The following DCBLD1 variants were observed in gnomAD, a reference collection of about 807,000 sequenced individuals.
DCBLD1 encodes the protein discoidin, CUB and LCCL domain-containing protein 1.
A neutral mutation model predicts 71.5 loss-of-function variants in DCBLD1; 57 were observed. The observed-to-expected ratio is 0.80, with a 90% CI of 0.64 to 0.99. The LOEUF (loss-of-function observed/expected upper bound fraction) is 0.99. Ranked by LOEUF, DCBLD1 falls within the 50% of genes least tolerant of loss-of-function variation. The pLI, the probability that DCBLD1 is intolerant of heterozygous loss-of-function variation, is 0.00. For missense variants in DCBLD1, 891 were observed against 923.5 expected (o/e 0.96, Z 0.46); for synonymous variants, 380 against 363.8 (o/e 1.04, Z -0.51).
At chr6:117,519,183 T>C (rs1212929587) in intron 2 of DCBLD1, among the ~76,000 whole-genome samples, 1 of 152,250 alleles carries the variant, frequency 6.6e-6, no homozygotes, top group African/African-American at 2.4e-5. Context: ...TTGAGATCCC[T>C]ATTGCTTTTC....
At chr6:117,513,155 A>G (rs986545897) in intron 2 of DCBLD1, among the ~76,000 whole-genome samples, 13 of 152,196 alleles carry the variant, frequency 8.5e-5, no homozygotes, top group African/African-American at 3.1e-4. Flanking sequence ...AGATTGCCAG[A>G]GAATCAAGAG....
At chr6:117,526,995 T>A (rs1778565486) in intron 5 of DCBLD1, among the ~76,000 whole-genome samples, 1 of 152,176 alleles carries the variant, frequency 6.6e-6, no homozygotes, top group Non-Finnish European at 1.5e-5. Flanking sequence ...TCTAAGCTCA[T>A]GTGGTGTTGA....
At chr6:117,512,053 T>G (rs1438217899) in intron 2 of DCBLD1, among the ~76,000 whole-genome samples, 2 of 152,214 alleles carry the variant, frequency 1.3e-5, no homozygotes, top group Non-Finnish European at 2.9e-5. Context: ...AGGTATTTTT[T>G]TTAACACAAC....
In DCBLD1 at chr6:117,549,139, C is replaced by T. The variant is rs570296578; in HGVS notation, c.*700C>T. 6.1e-5 allele frequency: 60 copies of T among 985,376 alleles called. No individual in the cohort carries two copies. The highest frequency in any genetic ancestry group is 6.5e-5 in the Non-Finnish European group (54 of 830,044). The allele number at this position is 985,376 out of a possible 1,614,324, so 61.0% of individuals were successfully genotyped here. On this transcript the variant is annotated 3_prime_UTR_variant, in exon 15 of 15. Transcript: ENST00000338728. ...TTAGTCTCCACTTCAGAGGGGGATGCGAAGAGGTCGGCCCAGCTCCGGTGA... is the reference window on the plus strand; with the variant it reads ...TTAGTCTCCACTTCAGAGGGGGATGTGAAGAGGTCGGCCCAGCTCCGGTGA...
chr6:117,497,930 T>C (rs927095546), intron 1 of DCBLD1, among the ~76,000 whole-genome samples: 1 of 152,232 alleles, frequency 6.6e-6, no homozygotes, highest in Non-Finnish European at 1.5e-5. Context: ...ACTTATACCA[T>C]AGAAGTAAAC....
chr6:117,500,106 C>T (rs1777603796), intron 1 of DCBLD1, among the ~76,000 whole-genome samples: 2 of 152,192 alleles, frequency 1.3e-5, no homozygotes, highest in Admixed American at 1.3e-4. Context: ...ATTTTCTCTC[C>T]CTAGCAGTTT....
chr6:117,509,430 C>T (rs1777942589), intron 2 of DCBLD1, among the ~76,000 whole-genome samples: 2 of 152,014 alleles, frequency 1.3e-5, no homozygotes, highest in Non-Finnish European at 2.9e-5. Flanking sequence ...GACACTGTCT[C>T]AAAATAAAAT....
At chr6:117,513,608 G>C (rs1778093609) in intron 2 of DCBLD1, among the ~76,000 whole-genome samples, 1 of 152,252 alleles carries the variant, frequency 6.6e-6, no homozygotes, top group South Asian at 2.1e-4. Context: ...GACAGGGATA[G>C]ATAGAAGTGA....
chr6:117,549,540 C>T lies in DCBLD1; in HGVS notation c.*1101C>T. On this transcript the variant is annotated 3_prime_UTR_variant, in exon 15 of 15. Coordinates refer to ENST00000338728, the MANE Select transcript of DCBLD1 (RefSeq NM_001366458.2). ...GTGAGTTAACTATGGGAGATTTAAC[C>T]TCTTTTGCCAAAGAGGGAAGTGTGT... is the stretch of plus-strand genomic sequence containing the variant. 3.0e-6 allele frequency: 3 copies of T among 985,238 alleles called. No individual in the cohort carries two copies. The highest frequency in any genetic ancestry group is 3.6e-6 in the Non-Finnish European group (3 of 829,906). The allele number at this position is 985,238 out of a possible 1,614,324, so 61.0% of individuals were successfully genotyped here.
intron 5 of DCBLD1, among the ~76,000 whole-genome samples, chr6:117,530,301 G>T (rs1475441889): frequency 1.3e-5 from 2 of 152,138 alleles, no homozygotes; most frequent in African/African-American, 4.8e-5. Context: ...CCACAGACGG[G>T]GTGGGGGATG....
At position 117,530,512 on chromosome 6, in the gene DCBLD1, C is replaced by T. The variant is rs548959868; in HGVS notation, c.586-1748C>T. ...ACTCCTCACCTCCTGCTGTGTGGCC[C>T]GGTTCCTAACAGGCCACTGACCAGT... On this transcript the variant is annotated intron_variant, in intron 5 of 14. Transcript: ENST00000338728. Among the ~76,000 whole-genome samples the T allele has an allele frequency of 9.2e-5, 14 of 152,236 alleles. No individual in the cohort carries two copies. In the South Asian group the frequency reaches 1.2e-3, roughly 14 times the overall value.
At chr6:117,558,127 T>G (rs1415223166) in intron 14 of DCBLD1, among the ~76,000 whole-genome samples, 1 of 152,154 alleles carries the variant, frequency 6.6e-6, no homozygotes, top group Non-Finnish European at 1.5e-5. Context: ...TGGTTCTAGG[T>G]TTTCCTCACC....
Position 117,548,770 on chromosome 6 carries a change from A to C in DCBLD1, c.*331A>C. ...TGTGTACAGAGTTGTATTTAACAAT[A>C]ATAAAAGTAACTTAAGTTTGCTCTA... On this transcript the variant is annotated 3_prime_UTR_variant, in exon 15 of 15. Coordinates refer to ENST00000338728, the MANE Select transcript of DCBLD1 (RefSeq NM_001366458.2). 8.7e-7 allele frequency: 1 copy of C among 1,149,902 alleles called. No individual in the cohort carries two copies. The highest frequency in any genetic ancestry group is 4.4e-5 in the Admixed American group (1 of 22,820). The allele number at this position is 1,149,902 out of a possible 1,614,324, so 71.2% of individuals were successfully genotyped here. A position where few individuals can be genotyped will look rare whatever the true frequency, so the allele number is the denominator to read the frequency against.
intron 14 of DCBLD1, among the ~76,000 whole-genome samples, chr6:117,569,027 A>G (rs1779754200): frequency 6.6e-6 from 1 of 152,218 alleles, no homozygotes; most frequent in South Asian, 2.1e-4. Context: ...ATGACTCCTG[A>G]GTATGAATCT....
intron 1 of DCBLD1, 86 bp downstream of exon 1, chr6:117,482,979 G>T: frequency 1.7e-6 from 1 of 586,716 alleles, no homozygotes; most frequent in South Asian, 1.1e-4. Flanking sequence ...CCGGGCCGAG[G>T]GCTACGGGGC....
At chr6:117,569,315 A>G (rs551734790) in intron 14 of DCBLD1, among the ~76,000 whole-genome samples, 1 of 152,258 alleles carries the variant, frequency 6.6e-6, no homozygotes, top group African/African-American at 2.4e-5. Context: ...CTTTCTTTCA[A>G]TCCCTCCCAC....
intron 4 of DCBLD1, among the ~76,000 whole-genome samples, chr6:117,523,519 A>G (rs1322633477): frequency 6.6e-6 from 1 of 152,226 alleles, no homozygotes; most frequent in Non-Finnish European, 1.5e-5. Context: ...ATTACATCAT[A>G]TACATCATTA....
At chr6:117,546,161 CA>C (rs1164946082) in intron 14 of DCBLD1, among the ~76,000 whole-genome samples, 9 of 152,036 alleles carry the variant, frequency 5.9e-5, no homozygotes, top group Non-Finnish European at 1.2e-4. Context: ...ATACAAAATA[CA>C]AAGCTCTAAT....
chr6:117,493,439 A>G lies in DCBLD1; in HGVS notation c.113-10328A>G, dbSNP rs368146028. On this transcript the variant is annotated intron_variant, in intron 1 of 14. Transcript: ENST00000338728. ...CACCTCTCATTAGACCTTTCCCTTA[A>G]TAGTCTAGTAAAGAGTACTTCGATA... 8.5e-5 allele frequency among the ~76,000 whole-genome samples: 13 copies of G among 152,334 alleles called. No homozygotes were observed. The South Asian group carries it at 2.3e-3, about 27-fold the overall frequency.
Sources: allele counts gnomAD v4.1 joint callset (sites outside exome capture counted in the v4.1 genomes callset), GRCh38; gene constraint gnomAD v4.1.1; transcripts MANE v1.5; gene names NCBI Gene and HGNC (gene_info 2026-07-23, HGNC 2026-07-21).